CCSER1: variants seen among roughly 807,000 people sequenced by gnomAD.
CCSER1 encodes serine-rich coiled-coil domain-containing protein 1.
In CCSER1, 41 loss-of-function variants were observed where a neutral mutation model predicts 82.0. The ratio of observed to expected loss-of-function variants is 0.50; its 90% confidence interval spans 0.39 to 0.65. The LOEUF is 0.65. Among genes scored for constraint, CCSER1 ranks in the 30% least tolerant of loss-of-function variants. CCSER1 has a pLI of 0.00. For missense variants in CCSER1, 1,119 were observed against 1,064.2 expected (o/e 1.05, Z -0.72); for synonymous variants, 414 against 383.9 (o/e 1.08, Z -0.92).
intron 3 of CCSER1, among the ~76,000 whole-genome samples, chr4:90,348,020 A>G (rs1352949668): frequency 6.6e-6 from 1 of 152,192 alleles, no homozygotes; most frequent in African/African-American, 2.4e-5. Flanking sequence ...AAGGAACAGA[A>G]AACCAAATAC....
At chr4:90,530,232 A>C (rs897493695) in intron 5 of CCSER1, among the ~76,000 whole-genome samples, 1 of 152,146 alleles carries the variant, frequency 6.6e-6, no homozygotes, top group Non-Finnish European at 1.5e-5. Flanking sequence ...CAATTTAATC[A>C]AGTCAGTAAT....
intron 5 of CCSER1, among the ~76,000 whole-genome samples, chr4:90,517,606 G>A (rs1260140969): frequency 6.6e-6 from 1 of 152,086 alleles, no homozygotes; most frequent in Non-Finnish European, 1.5e-5. Flanking sequence ...TGATCCAGAG[G>A]CATACATTTG....
In CCSER1 at chr4:91,346,033, C is replaced by CTTTTTTTTTTTTT. The variant is rs534383177; in HGVS notation, c.2218-252528_2218-252527insTTTTTTTTTTTTT. The stretch of plus-strand genomic sequence containing the variant: ...CATATCATACTGGGGCTTGACAGCT[C>CTTTTTTTTTTTTT]TTTTTTTTTTTAAGACAGTCTCACT... On this transcript the variant is annotated intron_variant, in intron 10 of 10. Transcript: ENST00000509176. 1.3e-4 allele frequency among the ~76,000 whole-genome samples: 19 copies of CTTTTTTTTTTTTT among 144,986 alleles called. No individual in the cohort carries two copies. The East Asian group carries it at 3.8e-3, about 29-fold the overall frequency.
intron 10 of CCSER1, among the ~76,000 whole-genome samples, chr4:91,496,616 A>AATATATATTTGAATATATATATATT (rs1279142591): frequency 2.9e-4 from 6 of 21,030 alleles, no homozygotes; most frequent in Non-Finnish European, 3.9e-4. Flanking sequence ...ATATATATAC[A>AATATATATTTGAATATATATATATT]CGAATATATA....
At chr4:91,464,092 G>C (rs1000005604) in intron 10 of CCSER1, among the ~76,000 whole-genome samples, 2 of 152,126 alleles carry the variant, frequency 1.3e-5, no homozygotes. Flanking sequence ...AAATGTTAAG[G>C]GCAGCCAGTG....
intron 9 of CCSER1, among the ~76,000 whole-genome samples, chr4:90,956,769 T>C (rs933940706): frequency 4.7e-5 from 7 of 149,054 alleles, no homozygotes; most frequent in African/African-American, 1.7e-4. Flanking sequence ...TCCTCTTCTT[T>C]TTTTTTTTTT....
chr4:90,435,411 T>A (rs1758866682), intron 4 of CCSER1, among the ~76,000 whole-genome samples: 1 of 152,152 alleles, frequency 6.6e-6, no homozygotes, highest in Non-Finnish European at 1.5e-5. Context: ...AGGGATCTCA[T>A]CTCTTAAAAT....
chr4:90,511,509 T>C (rs987584439), intron 5 of CCSER1, among the ~76,000 whole-genome samples: 1 of 152,108 alleles, frequency 6.6e-6, no homozygotes, highest in Admixed American at 6.5e-5. Flanking sequence ...TCAGAGACAA[T>C]AGACTAAAAG....
At chr4:90,762,861 C>A (rs930096974) in intron 7 of CCSER1, among the ~76,000 whole-genome samples, 5 of 151,894 alleles carry the variant, frequency 3.3e-5, no homozygotes, top group African/African-American at 1.2e-4. Context: ...GAGATTATCC[C>A]AGTGTATGTG....
chr4:90,462,911 C>T lies in CCSER1; in HGVS notation c.1604-5323C>T, dbSNP rs1763128731. Among the ~76,000 whole-genome samples, 3 of 152,094 alleles carry T rather than the reference C, an allele frequency of 2.0e-5. No homozygotes were observed. The South Asian group carries it at 6.2e-4, about 32-fold the overall frequency. Reference sequence around the variant, plus strand: ...CTAATGGGAAAACAAATGCAAAACACTCATTCTCCAGTGGAACAATAGAAC... The same window carrying T: ...CTAATGGGAAAACAAATGCAAAACATTCATTCTCCAGTGGAACAATAGAAC... On this transcript the variant is annotated intron_variant, in intron 4 of 10. Coordinates refer to ENST00000509176, the MANE Select transcript of CCSER1 (RefSeq NM_001145065.2).
intron 1 of CCSER1, among the ~76,000 whole-genome samples, chr4:90,184,246 A>G (rs989771443): frequency 2.2e-4 from 34 of 152,178 alleles, no homozygotes; most frequent in African/African-American, 7.0e-4. Context: ...GAAATAGACA[A>G]GAAGGCTCTC....
intron 3 of CCSER1, among the ~76,000 whole-genome samples, chr4:90,325,904 A>T (rs1244117486): frequency 6.6e-6 from 1 of 152,150 alleles, no homozygotes; most frequent in East Asian, 1.9e-4. Context: ...ATATAGAAAT[A>T]TCTAAATATA....
chr4:90,934,533 A>G (rs1730678363), intron 9 of CCSER1, among the ~76,000 whole-genome samples: 1 of 152,238 alleles, frequency 6.6e-6, no homozygotes, highest in Admixed American at 6.5e-5. Context: ...AAGTAGGTGG[A>G]TAAGTTAAAC....
chr4:91,368,852 T>G lies in CCSER1; in HGVS notation c.2218-229720T>G, dbSNP rs114042000. Among the ~76,000 whole-genome samples, 938 of 152,316 alleles carry G rather than the reference T, an allele frequency of 6.2e-3. 15 individuals are homozygous for G. The highest frequency in any genetic ancestry group is 0.021 in the African/African-American group (876 of 41,580). ...CAGAACTAACAATGATTTTATTCTA[T>G]ATAAGTTGCCAACATAATACAAATA... On this transcript the variant is annotated intron_variant, in intron 10 of 10. Coordinates refer to ENST00000509176, the MANE Select transcript of CCSER1 (RefSeq NM_001145065.2).
In CCSER1 at chr4:91,517,762, GTGTGTGTGTGTGTGTGTGTGTGTT is replaced by G. The variant is rs1440847521; in HGVS notation, c.2218-80808_2218-80785del. On this transcript the variant is annotated intron_variant, in intron 10 of 10. Coordinates refer to ENST00000509176, the MANE Select transcript of CCSER1 (RefSeq NM_001145065.2). ...TTCTTTCTCGTGTGTGTGTGTGTGT[GTGTGTGTGTGTGTGTGTGTGTGTT>G]TAACTTTGATATAAATTGAGTACAG... Among the ~76,000 whole-genome samples the G allele has an allele frequency of 4.4e-5, 6 of 137,394 alleles. No individual in the cohort carries two copies. The East Asian group carries it at 6.3e-4, about 14-fold the overall frequency. The allele number at this position is 137,394 out of a possible 152,430, so 90.1% of individuals were successfully genotyped here. A position where few individuals can be genotyped will look rare whatever the true frequency, so the allele number is the denominator to read the frequency against.
chr4:90,239,743 C>T (rs1746487845), intron 1 of CCSER1, among the ~76,000 whole-genome samples: 1 of 152,080 alleles, frequency 6.6e-6, no homozygotes, highest in Admixed American at 6.5e-5. Flanking sequence ...TCCCAAAGTA[C>T]TGGGATTATA....
chr4:90,822,822 T>C lies in CCSER1; in HGVS notation c.2094+6977T>C, dbSNP rs377346496. On this transcript the variant is annotated intron_variant, in intron 8 of 10. Coordinates refer to ENST00000509176, the MANE Select transcript of CCSER1 (RefSeq NM_001145065.2). ...TAGATTTTCTGAAAAAGTAAGTTTA[T>C]TAGCCCTCTGTAAAATAAACACTTT... Among the ~76,000 whole-genome samples the C allele has an allele frequency of 5.6e-4, 85 of 152,122 alleles. No individual in the cohort carries two copies. In the Middle Eastern group the frequency reaches 0.014, roughly 25 times the overall value.
At chr4:91,381,477 A>T (rs535129695) in intron 10 of CCSER1, among the ~76,000 whole-genome samples, 117 of 150,708 alleles carry the variant, frequency 7.8e-4, no homozygotes, top group Admixed American at 1.7e-3. Context: ...AACTTTTCTC[A>T]CTTCATTTCA....
intron 1 of CCSER1, among the ~76,000 whole-genome samples, chr4:90,136,565 C>T (rs1220009353): frequency 6.6e-6 from 1 of 152,098 alleles, no homozygotes; most frequent in Non-Finnish European, 1.5e-5. Flanking sequence ...TTTGCAATAG[C>T]AGTAAATAAT....
Sources: gnomAD v4.1 joint callset for allele counts (sites outside exome capture counted in the v4.1 genomes callset) on GRCh38, gnomAD v4.1.1 for gene constraint, MANE v1.5 for transcripts, NCBI Gene and HGNC (gene_info 2026-07-23, HGNC 2026-07-21) for gene names.